The following TXNDC8 variants were observed in gnomAD, a reference collection of about 807,000 sequenced individuals.
TXNDC8 encodes the protein thioredoxin domain containing 8.
TXNDC8 carries 15 observed loss-of-function variants against 12.9 expected under a neutral mutation model. The observed-to-expected ratio is 1.16, with a 90% confidence interval of 0.78 to 1.79. The LOEUF is 1.79. Among genes scored for constraint, TXNDC8 ranks in the 40% most tolerant of loss-of-function variants. TXNDC8 has a pLI of 0.00. For missense variants in TXNDC8, 128 were observed against 113.2 expected (o/e 1.13, Z -0.59); for synonymous variants, 40 against 35.4 (o/e 1.13, Z -0.46).
intron 3 of TXNDC8, among the ~76,000 whole-genome samples, chr9:110,311,235 A>G (rs1183853100): frequency 6.6e-6 from 1 of 152,140 alleles, no homozygotes; most frequent in Non-Finnish European, 1.5e-5. Context: ...TAGGTAAATG[A>G]TTAAAATAAT....
intron 3 of TXNDC8, among the ~76,000 whole-genome samples, chr9:110,322,088 A>T (rs1839121225): frequency 1.3e-5 from 2 of 152,194 alleles, no homozygotes; most frequent in South Asian, 4.1e-4. Flanking sequence ...ATTATATCTA[A>T]ATTGATCCAG....
intron 2 of TXNDC8, among the ~76,000 whole-genome samples, chr9:110,327,211 GA>G (rs35491012): frequency 6.6e-6 from 1 of 152,088 alleles, no homozygotes; most frequent in African/African-American, 2.4e-5. Flanking sequence ...CACTTCCTCA[GA>G]AAGTTAAACA....
intron 3 of TXNDC8, chr9:110,323,069 AG>A: frequency 1.0e-6 from 1 of 985,376 alleles, no homozygotes; most frequent in East Asian, 1.1e-4. Context: ...TAGGCAATGG[AG>A]GGGGAGGACA....
intron 3 of TXNDC8, among the ~76,000 whole-genome samples, chr9:110,318,921 C>T (rs1206916609): frequency 6.6e-6 from 1 of 152,180 alleles, no homozygotes; most frequent in Non-Finnish European, 1.5e-5. Context: ...TTGCTTGCTG[C>T]ACCCTAATCC....
intron 3 of TXNDC8, among the ~76,000 whole-genome samples, chr9:110,311,746 T>C (rs1206558130): frequency 7.0e-6 from 1 of 142,090 alleles, no homozygotes; most frequent in Non-Finnish European, 1.5e-5. Flanking sequence ...ATATACACTA[T>C]ATATGGATAT....
intron 2 of TXNDC8, 141 bp from the exon 4 acceptor site, chr9:110,326,381 T>A: frequency 1.5e-6 from 1 of 668,126 alleles, no homozygotes; most frequent in Non-Finnish European, 2.6e-6. Context: ...TGCTATGAAC[T>A]TTTCTAACAT....
intron 3 of TXNDC8, among the ~76,000 whole-genome samples, chr9:110,310,000 C>A (rs1157898734): frequency 6.6e-6 from 1 of 151,562 alleles, no homozygotes; most frequent in African/African-American, 2.4e-5. Flanking sequence ...AGTGGGAAAC[C>A]AATAATCTAA....
At chr9:110,333,411 C>A (rs765633211) in intron 2 of TXNDC8, among the ~76,000 whole-genome samples, 3 of 152,186 alleles carry the variant, frequency 2.0e-5, no homozygotes, top group Non-Finnish European at 4.4e-5. Context: ...TCCCGGCACC[C>A]CCTACCCTAA....
chr9:110,327,277 T>C (rs1839359946), intron 2 of TXNDC8, among the ~76,000 whole-genome samples: 1 of 151,892 alleles, frequency 6.6e-6, no homozygotes, highest in Non-Finnish European at 1.5e-5. Context: ...CCAAGGGAAA[T>C]GGAAATTTTG....
intron 3 of TXNDC8, among the ~76,000 whole-genome samples, chr9:110,306,933 C>T (rs1218291332): frequency 1.3e-5 from 2 of 151,680 alleles, no homozygotes; most frequent in East Asian, 1.9e-4. Context: ...AAATTTTTTT[C>T]CATATATTAT....
intron 2 of TXNDC8, among the ~76,000 whole-genome samples, chr9:110,327,632 A>G (rs1839384607): frequency 1.3e-5 from 2 of 152,186 alleles, no homozygotes; most frequent in South Asian, 4.1e-4. Flanking sequence ...CAAAGTACTG[A>G]TACATTCTAT....
At chr9:110,312,629 A>C (rs1156760937) in intron 3 of TXNDC8, among the ~76,000 whole-genome samples, 1 of 152,224 alleles carries the variant, frequency 6.6e-6, no homozygotes, top group Non-Finnish European at 1.5e-5. Flanking sequence ...GATTCTTTCT[A>C]TGGAACGAAG....
intron 3 of TXNDC8, among the ~76,000 whole-genome samples, chr9:110,313,623 C>T (rs919529336): frequency 6.6e-6 from 1 of 152,148 alleles, no homozygotes; most frequent in Non-Finnish European, 1.5e-5. Context: ...ATCACTTGTA[C>T]CCAGGAGGTG....
At position 110,331,550 on chromosome 9, in the gene TXNDC8, G is replaced by A. The variant is rs76307071; in HGVS notation, c.129+2666C>T. 1.2e-4 allele frequency among the ~76,000 whole-genome samples: 18 copies of A among 152,292 alleles called. No individual in the cohort carries two copies. The East Asian group carries it at 3.5e-3, about 29-fold the overall frequency. ...AATCCTTTTCTAATTTGGTTCTAAT[G>A]TGGTTTATGTTTCTTGCTTTGATCT... On this transcript the variant is annotated intron_variant, in intron 2 of 4. Coordinates refer to ENST00000423740, the MANE Select transcript of TXNDC8 (RefSeq NM_001286946.2).
chr9:110,336,776 G>T (rs1420870089), intron 1 of TXNDC8, among the ~76,000 whole-genome samples: 1 of 152,134 alleles, frequency 6.6e-6, no homozygotes, highest in Non-Finnish European at 1.5e-5. Flanking sequence ...AAAAGAAAAT[G>T]AAGTAGGAAG....
chr9:110,308,114 T>C (rs548176459), intron 3 of TXNDC8, among the ~76,000 whole-genome samples: 8 of 152,324 alleles, frequency 5.3e-5, no homozygotes, highest in South Asian at 2.1e-4. Flanking sequence ...CTCAAACCAA[T>C]AGGACAATTT....
rs762319291 is a variant in TXNDC8, at chr9:110,337,782, A to C, written c.15T>G (p.Ile5Met). The C allele has an allele frequency of 1.2e-6, 2 of 1,613,994 alleles. No individual in the cohort carries two copies. Among genetic ancestry groups the C allele is most frequent in the Non-Finnish European group, 1.7e-6 (2 of 1,179,922 alleles). ...CCAAATAAATACTTGCCGTGTCTTTAATAATCTGTACCATGATTACACCAG... is the reference window on the plus strand; with the variant it reads ...CCAAATAAATACTTGCCGTGTCTTTCATAATCTGTACCATGATTACACCAG... Residue 5 changes from isoleucine (I) to methionine (M), a missense_variant, in exon 1 of 5, where the codon ATT becomes ATG. By Grantham distance (10) the Ile-to-Met change is conservative. Transcript: ENST00000423740.
intron 2 of TXNDC8, among the ~76,000 whole-genome samples, chr9:110,328,891 T>G (rs1416243818): frequency 6.6e-6 from 1 of 152,168 alleles, no homozygotes; most frequent in Non-Finnish European, 1.5e-5. Context: ...TTAACAGATT[T>G]CTATTGTCTC....
chr9:110,328,157 A>C (rs1408953133), intron 2 of TXNDC8, among the ~76,000 whole-genome samples: 1 of 152,246 alleles, frequency 6.6e-6, no homozygotes, highest in East Asian at 1.9e-4. Context: ...TGGGTCATAA[A>C]ATCATTAAAG....
Sources: allele counts gnomAD v4.1 joint callset (sites outside exome capture counted in the v4.1 genomes callset), GRCh38; gene constraint gnomAD v4.1.1; transcripts MANE v1.5; gene names NCBI Gene and HGNC (gene_info 2026-07-23, HGNC 2026-07-21).